CACNB4: variants seen among roughly 807,000 people sequenced by gnomAD.
The protein encoded by CACNB4 is calcium voltage-gated channel auxiliary subunit beta 4.
CACNB4 carries 32 observed loss-of-function variants against 71.2 expected under a neutral mutation model. The ratio of observed to expected loss-of-function variants is 0.45; its 90% CI spans 0.34 to 0.60. The LOEUF (loss-of-function observed/expected upper bound fraction) is 0.60, where lower values mean the gene tolerates loss of function less well. Among genes scored for constraint, CACNB4 ranks in the 20% least tolerant of loss-of-function variants. CACNB4 has a pLI of 0.01. For synonymous variants in CACNB4, 231 were observed against 236.9 expected (o/e 0.97, Z 0.23); for missense variants, 464 against 647.9 (o/e 0.72, Z 3.08).
At chr2:152,026,075 G>C (rs1683951566) in intron 2 of CACNB4, among the ~76,000 whole-genome samples, 1 of 152,162 alleles carries the variant, frequency 6.6e-6, no homozygotes, top group African/African-American at 2.4e-5. Context: ...AAGTCACTTG[G>C]CATGAATGTC....
Position 151,880,923 on chromosome 2 carries a change from C to T in CACNB4, c.268-1G>A. ...TCACGGCAAATGCTACAGGTTTGGACTAGGGACAGAACCATGGAATAAGGA... is the reference window on the plus strand; with the variant it reads ...TCACGGCAAATGCTACAGGTTTGGATTAGGGACAGAACCATGGAATAAGGA... On this transcript the variant is annotated splice_acceptor_variant, in intron 3 of 13. Transcript: ENST00000539935. LOFTEE classifies it high-confidence loss of function. 6.2e-7 allele frequency: 1 copy of T among 1,611,576 alleles called. No individual in the cohort carries two copies. The highest frequency in any genetic ancestry group is 8.5e-7 in the Non-Finnish European group (1 of 1,178,724).
chr2:152,080,987 C>T (rs144110472), intron 2 of CACNB4, among the ~76,000 whole-genome samples: 1 of 152,122 alleles, frequency 6.6e-6, no homozygotes, highest in African/African-American at 2.4e-5. Flanking sequence ...GATGTGGGCA[C>T]CATGCTTCCT....
At chr2:151,915,345 A>G (rs553629588) in intron 2 of CACNB4, among the ~76,000 whole-genome samples, 2 of 152,314 alleles carry the variant, frequency 1.3e-5, no homozygotes, top group East Asian at 3.9e-4. Context: ...GAAAAAGTAC[A>G]GCCTGGACGT....
At chr2:151,971,410 G>T in intron 2 of CACNB4, 1 of 652,480 alleles carries the variant, frequency 1.5e-6, no homozygotes. Context: ...ACCCCCAACC[G>T]AAGTGCCGTA....
At chr2:151,994,527 T>G (rs977836116) in intron 2 of CACNB4, among the ~76,000 whole-genome samples, 1 of 151,416 alleles carries the variant, frequency 6.6e-6, no homozygotes, top group African/African-American at 2.4e-5. Context: ...CCCTTTTTTT[T>G]TTGAGGCACA....
chr2:151,923,334 G>A (rs1298232754), intron 2 of CACNB4, among the ~76,000 whole-genome samples: 1 of 152,084 alleles, frequency 6.6e-6, no homozygotes, highest in Non-Finnish European at 1.5e-5. Context: ...CATAGGGCAG[G>A]GTGTCCTTAA....
intron 2 of CACNB4, among the ~76,000 whole-genome samples, chr2:152,081,075 T>C (rs1687332831): frequency 6.6e-6 from 1 of 152,198 alleles, no homozygotes. Flanking sequence ...CAGTCTCAGG[T>C]ATTCTTTTAT....
chr2:152,064,275 C>T (rs1686177069), intron 2 of CACNB4, among the ~76,000 whole-genome samples: 1 of 152,230 alleles, frequency 6.6e-6, no homozygotes, highest in South Asian at 2.1e-4. Flanking sequence ...AAAACATTTG[C>T]TGGAGTGCAG....
Position 151,855,206 on chromosome 2 carries a change from C to T in CACNB4, c.1020+18G>A. The stretch of plus-strand genomic sequence containing the variant: ...AAAGATGCACTTCTAAACCTTAAGG[C>T]AGAAAGGAGCTAATTACCTTTGGAG... On this transcript the variant is annotated intron_variant, in intron 11 of 13. Transcript: ENST00000539935. The T allele has an allele frequency of 1.3e-6, 2 of 1,510,156 alleles. No homozygotes were observed. Among genetic ancestry groups the T allele is most frequent in the Non-Finnish European group, 9.0e-7 (1 of 1,109,266 alleles). 93.5% of individuals were successfully genotyped at this position (1,510,156 alleles called of 1,614,324 possible).
intron 2 of CACNB4, among the ~76,000 whole-genome samples, chr2:151,996,034 TTTG>T (rs1377135821): frequency 6.6e-6 from 1 of 152,242 alleles, no homozygotes; most frequent in Non-Finnish European, 1.5e-5. Flanking sequence ...CTGGCTTCTG[TTTG>T]TTGTTATTTT....
chr2:152,047,848 G>A (rs1685216555), intron 2 of CACNB4, among the ~76,000 whole-genome samples: 1 of 152,210 alleles, frequency 6.6e-6, no homozygotes, highest in South Asian at 2.1e-4. Flanking sequence ...GCAGTGAGCT[G>A]AGATTGAGCC....
intron 2 of CACNB4, among the ~76,000 whole-genome samples, chr2:151,964,453 AAG>A (rs1275018005): frequency 6.6e-6 from 1 of 152,190 alleles, no homozygotes; most frequent in Non-Finnish European, 1.5e-5. Flanking sequence ...GTCATCAAGG[AAG>A]ACTTATTTTT....
intron 2 of CACNB4, among the ~76,000 whole-genome samples, chr2:152,094,146 C>G (rs2105481122): frequency 6.6e-6 from 1 of 152,276 alleles, no homozygotes; most frequent in East Asian, 1.9e-4. Flanking sequence ...CTACTGAAAA[C>G]TGGCACAAGG....
chr2:152,034,831 C>T (rs1684471940), intron 2 of CACNB4, among the ~76,000 whole-genome samples: 1 of 152,120 alleles, frequency 6.6e-6, no homozygotes, highest in Non-Finnish European at 1.5e-5. Context: ...CTAATAAGTA[C>T]TGTGTGGTGC....
intron 2 of CACNB4, among the ~76,000 whole-genome samples, chr2:152,087,096 C>A (rs1004953845): frequency 1.3e-5 from 2 of 150,180 alleles, no homozygotes; most frequent in Non-Finnish European, 3.0e-5. Flanking sequence ...TGCACCGTTG[C>A]ACTTCAGCCT....
chr2:152,011,877 T>C (rs1341080521), intron 2 of CACNB4, among the ~76,000 whole-genome samples: 1 of 152,212 alleles, frequency 6.6e-6, no homozygotes, highest in East Asian at 1.9e-4. Context: ...TATCACCTAG[T>C]GACTCTGTAG....
chr2:151,941,240 T>G (rs918764585), intron 2 of CACNB4, among the ~76,000 whole-genome samples: 1 of 151,986 alleles, frequency 6.6e-6, no homozygotes, highest in South Asian at 2.1e-4. Flanking sequence ...AAAGTTTAAA[T>G]TATAAGCACT....
chr2:151,932,483 T>C (rs1328887966), intron 2 of CACNB4, among the ~76,000 whole-genome samples: 1 of 152,176 alleles, frequency 6.6e-6, no homozygotes, highest in African/African-American at 2.4e-5. Context: ...AGTTGAATTA[T>C]GTCCCCTGAA....
intron 3 of CACNB4, among the ~76,000 whole-genome samples, chr2:151,881,879 C>CTTT (rs34072100): frequency 0.072 from 9,547 of 132,862 alleles, 1,013 homozygotes; most frequent in East Asian, 0.51. Flanking sequence ...CTCCTCCCAT[C>CTTT]TTTTTTTTTT....
Sources: gnomAD v4.1 joint callset for allele counts (sites outside exome capture counted in the v4.1 genomes callset) on GRCh38, gnomAD v4.1.1 for gene constraint, MANE v1.5 for transcripts, NCBI Gene and HGNC (gene_info 2026-07-23, HGNC 2026-07-21) for gene names.